Variants in R3HDM1 observed in about 807,000 individuals in gnomAD.
The protein encoded by R3HDM1 is R3H domain containing 1, also known as R3H domain-containing protein 1.
Under a neutral mutation model 141.1 loss-of-function variants are expected in R3HDM1, and 46 were observed. The ratio of observed to expected loss-of-function variants is 0.33; its 90% CI spans 0.26 to 0.42. The LOEUF (loss-of-function observed/expected upper bound fraction) is 0.42, where lower values mean the gene tolerates loss of function less well. R3HDM1 is among the 10% of genes least tolerant of loss of function. R3HDM1 has a pLI of 1.00. For synonymous variants in R3HDM1, 435 were observed against 472.9 expected, an observed-to-expected ratio of 0.92 and a Z score of 1.04; for missense variants, 1,184 against 1,368.3, an observed-to-expected ratio of 0.87 and a Z score of 2.12.
intron 1 of R3HDM1, among the ~76,000 whole-genome samples, chr2:135,549,110 T>C (rs1481029180): frequency 1.3e-5 from 2 of 152,224 alleles, no homozygotes; most frequent in Non-Finnish European, 2.9e-5. Context: ...CTTAATTGAC[T>C]TTAGGTAAAT....
intron 1 of R3HDM1, among the ~76,000 whole-genome samples, chr2:135,538,904 A>C (rs1696834627): frequency 6.6e-6 from 1 of 151,508 alleles, no homozygotes; most frequent in Non-Finnish European, 1.5e-5. Flanking sequence ...GTGAGCCACC[A>C]CGCCTGGCTT....
At chr2:135,608,315 C>G (rs2060252534) in intron 3 of R3HDM1, among the ~76,000 whole-genome samples, 1 of 149,342 alleles carries the variant, frequency 6.7e-6, no homozygotes, top group African/African-American at 2.5e-5. Context: ...GACTCCATCT[C>G]AAAATAATAA....
chr2:135,622,018 AG>A, intron 6 of R3HDM1: 1 of 984,482 alleles, frequency 1.0e-6, no homozygotes, highest in Non-Finnish European at 1.2e-6. Context: ...ATAAGTTTGG[AG>A]GGTCTTCACT....
chr2:135,717,242 G>A (rs555262920), intron 24 of R3HDM1, among the ~76,000 whole-genome samples: 13 of 152,230 alleles, frequency 8.5e-5, no homozygotes, highest in Admixed American at 3.3e-4. Context: ...TCAGCACTTC[G>A]GGAGGCTGAG....
intron 16 of R3HDM1, among the ~76,000 whole-genome samples, chr2:135,646,267 C>T (rs2064391198): frequency 6.6e-6 from 1 of 151,608 alleles, no homozygotes; most frequent in African/African-American, 2.4e-5. Flanking sequence ...TCCCAAGTAG[C>T]TGGGACTACA....
intron 1 of R3HDM1, among the ~76,000 whole-genome samples, chr2:135,571,217 G>A (rs1361032971): frequency 6.6e-6 from 1 of 152,012 alleles, no homozygotes. Context: ...CATCAAGAAA[G>A]TGAAATATTT....
chr2:135,645,368 G>T lies in R3HDM1; in HGVS notation c.1475-11G>T. 1 of 1,567,100 alleles carries T rather than the reference G, an allele frequency of 6.4e-7. No individual in the cohort carries two copies. The highest frequency in any genetic ancestry group is 1.8e-5 in the Admixed American group (1 of 54,990). ...CTAAGTTATTTTTTTCCCTCTTTTT[G>T]AATTTTTCAGGTCAGCCCTTCATAA... is the stretch of plus-strand genomic sequence containing the variant. On this transcript the variant is annotated splice_polypyrimidine_tract_variant and intron_variant, in intron 15 of 26. Transcript: ENST00000683871.
rs1575215681 is a variant in R3HDM1, at chr2:135,714,406, TGAAA to T, written c.2737-1136_2737-1133del. On this transcript the variant is annotated intron_variant, in intron 23 of 26. Coordinates refer to ENST00000683871, the MANE Select transcript of R3HDM1 (RefSeq NM_001378107.1). Reference sequence around the variant, plus strand: ...CAAATCTTCAGAAATGTCAAAGTCATGAAAGAAAGAAGAGACTGTGCTGTTCTGC... The same window carrying T: ...CAAATCTTCAGAAATGTCAAAGTCATGAAAGAAGAGACTGTGCTGTTCTGC... Among the ~76,000 whole-genome samples, 3 of 152,230 alleles carry T rather than the reference TGAAA, an allele frequency of 2.0e-5. No homozygotes were observed. The South Asian group carries it at 6.2e-4, about 32-fold the overall frequency.
At chr2:135,640,604 C>T (rs12619365) in intron 14 of R3HDM1, among the ~76,000 whole-genome samples, 75,636 of 152,082 alleles carry the variant, frequency 0.5, 23,779 homozygotes, top group East Asian at 0.88. Context: ...TATGAAGAGT[C>T]ATTTTGGCAT....
intron 1 of R3HDM1, among the ~76,000 whole-genome samples, chr2:135,574,249 T>C (rs932920666): frequency 8.5e-5 from 13 of 152,194 alleles, no homozygotes; most frequent in African/African-American, 3.1e-4. Flanking sequence ...ACTGCAGTTA[T>C]TTGAAAACCT....
intron 1 of R3HDM1, among the ~76,000 whole-genome samples, chr2:135,588,531 TTAGA>T (rs1317848955): frequency 6.6e-6 from 1 of 152,194 alleles, no homozygotes; most frequent in Non-Finnish European, 1.5e-5. Flanking sequence ...TAATAAACCA[TTAGA>T]TAAAGAAATT....
Position 135,636,027 on chromosome 2 carries a change from T to C in R3HDM1, c.807+29T>C, listed in dbSNP as rs373849492. On this transcript the variant is annotated intron_variant, in intron 10 of 26. Transcript: ENST00000683871. The stretch of plus-strand genomic sequence containing the variant: ...ATCTAGAACAATTGTAGGATTTGTA[T>C]AGGTGCAAGACATACTATACCAGTA... The C allele has an allele frequency of 3.1e-6, 5 of 1,609,036 alleles. No individual in the cohort carries two copies. In the African/African-American group the frequency reaches 6.7e-5, roughly 22 times the overall value.
intron 3 of R3HDM1, chr2:135,607,264 G>A (rs1343209972): frequency 1.1e-5 from 11 of 978,524 alleles, no homozygotes; most frequent in Non-Finnish European, 1.3e-5. Flanking sequence ...TGAGATTACA[G>A]GCGTGAGCCA....
chr2:135,605,133 A>C lies in R3HDM1; in HGVS notation c.171+117A>C, dbSNP rs971479742. On this transcript the variant is annotated intron_variant, in intron 3 of 26. Transcript: ENST00000683871. The stretch of plus-strand genomic sequence containing the variant: ...AAAGGGTAAGTTGACCCTTCGTGAC[A>C]TGCTTACTAGCTGGTTTTGGAGCCA... 1.7e-5 allele frequency: 15 copies of C among 876,446 alleles called. 1 individual carries two copies. Among genetic ancestry groups the C allele is most frequent in the Non-Finnish European group, 2.5e-5 (15 of 596,362 alleles). 54.3% of individuals were successfully genotyped at this position (876,446 alleles called of 1,614,324 possible).
intron 21 of R3HDM1, among the ~76,000 whole-genome samples, chr2:135,702,217 G>GAAAAAAAAAAAA (rs35183953): frequency 8.3e-6 from 1 of 120,866 alleles, no homozygotes; most frequent in African/African-American, 3.9e-5. Context: ...GTCTCAGGGG[G>GAAAAAAAAAAAA]AAAAAAAAAA....
At chr2:135,698,856 G>T (rs1487542371) in intron 21 of R3HDM1, among the ~76,000 whole-genome samples, 1 of 152,160 alleles carries the variant, frequency 6.6e-6, no homozygotes, top group East Asian at 1.9e-4. Context: ...AGGGGGAATG[G>T]TGCTAAACCA....
At chr2:135,574,219 G>A (rs1704836492) in intron 1 of R3HDM1, among the ~76,000 whole-genome samples, 1 of 152,132 alleles carries the variant, frequency 6.6e-6, no homozygotes, top group Non-Finnish European at 1.5e-5. Context: ...AAAATCACAA[G>A]AGACTACTTA....
At chr2:135,698,164 CTTTT>C (rs1209614603) in intron 21 of R3HDM1, among the ~76,000 whole-genome samples, 1 of 142,710 alleles carries the variant, frequency 7.0e-6, no homozygotes. Flanking sequence ...TTTCTTCTCC[CTTTT>C]TTTTTTTTTG....
chr2:135,695,463 A>T (rs1243671144), intron 21 of R3HDM1, among the ~76,000 whole-genome samples: 1 of 152,232 alleles, frequency 6.6e-6, no homozygotes, highest in Non-Finnish European at 1.5e-5. Context: ...GAAAAGGGAA[A>T]AAAAATATTT....
Sources: gnomAD v4.1 joint callset for allele counts (sites outside exome capture counted in the v4.1 genomes callset) on GRCh38, gnomAD v4.1.1 for gene constraint, MANE v1.5 for transcripts, NCBI Gene and HGNC (gene_info 2026-07-23, HGNC 2026-07-21) for gene names.